MAGI1: variants seen among roughly 807,000 people sequenced by gnomAD.
MAGI1 encodes membrane associated guanylate kinase, WW and PDZ domain containing 1, also known as membrane-associated guanylate kinase, WW and PDZ domain-containing protein 1.
Under a neutral mutation model 139.9 loss-of-function variants are expected in MAGI1, and 58 were observed. The ratio of observed to expected loss-of-function variants is 0.41; its 90% CI spans 0.34 to 0.52. The LOEUF (loss-of-function observed/expected upper bound fraction) is 0.52, where lower values mean the gene tolerates loss of function less well. MAGI1 is among the 20% of genes least tolerant of loss of function. MAGI1 has a pLI of 0.12. For synonymous variants in MAGI1, 812 were observed against 737.9 expected (o/e 1.10, Z -1.63); for missense variants, 1,874 against 1,901.6 (o/e 0.99, Z 0.27).
chr3:65,459,875 C>T (rs996533415), intron 5 of MAGI1, among the ~76,000 whole-genome samples: 1 of 151,900 alleles, frequency 6.6e-6, no homozygotes, highest in East Asian at 1.9e-4. Context: ...CAGTGAGCTG[C>T]GTTAACACCA....
chr3:65,538,177 T>G (rs761253968), intron 2 of MAGI1, among the ~76,000 whole-genome samples: 2 of 152,178 alleles, frequency 1.3e-5, no homozygotes, highest in East Asian at 3.9e-4. Flanking sequence ...TAAACAGTTA[T>G]GTTTACAACA....
intron 1 of MAGI1, among the ~76,000 whole-genome samples, chr3:65,751,334 A>G (rs1376513850): frequency 1.3e-5 from 2 of 152,180 alleles, no homozygotes; most frequent in Non-Finnish European, 2.9e-5. Flanking sequence ...GAGCCTGAGA[A>G]ATGTTCCCGG....
intron 1 of MAGI1, among the ~76,000 whole-genome samples, chr3:65,632,127 G>C (rs1363189667): frequency 6.6e-6 from 1 of 151,786 alleles, no homozygotes; most frequent in Non-Finnish European, 1.5e-5. Context: ...AAATTTCCTA[G>C]AATTACTAGA....
At chr3:65,742,660 C>T (rs1499505) in intron 1 of MAGI1, among the ~76,000 whole-genome samples, 94,542 of 152,120 alleles carry the variant, frequency 0.62, 29,803 homozygotes, top group Non-Finnish European at 0.67. Flanking sequence ...TTATTCAAGA[C>T]GCCACCTACA....
chr3:65,548,451 C>T (rs907287517), intron 2 of MAGI1, among the ~76,000 whole-genome samples: 1 of 151,338 alleles, frequency 6.6e-6, no homozygotes, highest in Admixed American at 6.6e-5. Context: ...ACAAAAGGGC[C>T]TCCCTTTTCA....
intron 2 of MAGI1, among the ~76,000 whole-genome samples, chr3:65,548,162 C>A (rs933671853): frequency 6.6e-6 from 1 of 152,200 alleles, no homozygotes; most frequent in African/African-American, 2.4e-5. Flanking sequence ...TCATGGCAGA[C>A]AGGCCTGATT....
intron 2 of MAGI1, chr3:65,499,124 G>A (rs1455893190): frequency 5.0e-5 from 38 of 761,066 alleles, no homozygotes; most frequent in African/African-American, 5.7e-5. Flanking sequence ...TCCACGATTT[G>A]TTTTAAAAAT....
At chr3:65,922,956 A>T (rs565998681) in intron 1 of MAGI1, among the ~76,000 whole-genome samples, 1 of 152,170 alleles carries the variant, frequency 6.6e-6, no homozygotes, top group Non-Finnish European at 1.5e-5. Context: ...TTTTTTCTTG[A>T]TAACAGGAAC....
chr3:65,776,162 A>G (rs1029838018), intron 1 of MAGI1, among the ~76,000 whole-genome samples: 1 of 151,870 alleles, frequency 6.6e-6, no homozygotes, highest in African/African-American at 2.4e-5. Flanking sequence ...TCTTCTACAT[A>G]GGTGGTGCAG....
intron 1 of MAGI1, among the ~76,000 whole-genome samples, chr3:65,786,059 G>A (rs1471766656): frequency 6.6e-6 from 1 of 151,488 alleles, no homozygotes; most frequent in Admixed American, 6.6e-5. Context: ...GGATTCAAGT[G>A]ATTCTCCTGC....
chr3:65,361,263 A>C lies in MAGI1; in HGVS notation c.3570T>G (p.Ile1190Met), dbSNP rs754126405. 1 of 1,614,126 alleles carries C rather than the reference A, an allele frequency of 6.2e-7. No homozygotes were observed. Among genetic ancestry groups the C allele is most frequent in the Non-Finnish European group, 8.5e-7 (1 of 1,180,002 alleles). ...NMKHSRAIEL[I>M]KNGGRRVRLF... is the part of the protein sequence containing the mutation. The stretch of plus-strand genomic sequence containing the variant: ...GACGAACTCTGCGGCCACCATTCTT[A>C]ATCAGTTCTATAGCTCGAGAATGCT... Residue 1190 changes from isoleucine to methionine, a missense_variant, in exon 22 of 23, where the codon ATT (isoleucine) becomes ATG (methionine). This residue lies in a region of MAGI1 where 653 missense variants were observed against 644.5 expected (regional missense o/e 1.01). Transcript: ENST00000402939.
intron 5 of MAGI1, among the ~76,000 whole-genome samples, chr3:65,465,201 T>G (rs1419173307): frequency 6.6e-6 from 1 of 151,194 alleles, no homozygotes; most frequent in Non-Finnish European, 1.5e-5. Context: ...AAACCTAATT[T>G]GGAAAATTTA....
intron 3 of MAGI1, among the ~76,000 whole-genome samples, chr3:65,480,152 C>T (rs1264269151): frequency 8.6e-6 from 1 of 116,404 alleles, no homozygotes; most frequent in African/African-American, 3.3e-5. Context: ...CATTTTATTA[C>T]ACAAGCACCA....
At chr3:65,648,616 G>T (rs149968430) in intron 1 of MAGI1, among the ~76,000 whole-genome samples, 1 of 152,070 alleles carries the variant, frequency 6.6e-6, no homozygotes, top group Admixed American at 6.6e-5. Context: ...TCAAAGAGTC[G>T]ACACAGTAAA....
chr3:65,727,151 G>A (rs1036487861), intron 1 of MAGI1, among the ~76,000 whole-genome samples: 1 of 152,106 alleles, frequency 6.6e-6, no homozygotes, highest in African/African-American at 2.4e-5. Context: ...TTTCTTCACT[G>A]TAGGATTTAC....
chr3:65,999,923 A>G lies in MAGI1; in HGVS notation c.313+38073T>C, dbSNP rs190723605. 3.6e-3 allele frequency among the ~76,000 whole-genome samples: 541 copies of G among 150,122 alleles called. 9 individuals are homozygous for G. The highest frequency in any genetic ancestry group is 9.6e-4 in the Non-Finnish European group (65 of 67,874). On this transcript the variant is annotated intron_variant, in intron 1 of 22. Coordinates refer to ENST00000402939, the MANE Select transcript of MAGI1 (RefSeq NM_001033057.2). The stretch of plus-strand genomic sequence containing the variant: ...GACATTTTAGTTAAACTAGGTAACC[A>G]TATCTTGAGAAAATGTACTCTGGTT...
chr3:65,990,308 A>C (rs1433927639), intron 1 of MAGI1, among the ~76,000 whole-genome samples: 1 of 152,198 alleles, frequency 6.6e-6, no homozygotes, highest in Admixed American at 6.5e-5. Flanking sequence ...AAAATGGAAA[A>C]GTTAAAGATT....
At chr3:65,388,060 C>G (rs1257621183) in intron 14 of MAGI1, among the ~76,000 whole-genome samples, 1 of 152,166 alleles carries the variant, frequency 6.6e-6, no homozygotes, top group Non-Finnish European at 1.5e-5. Context: ...GTGCACAATT[C>G]TAGAGAAACC....
At chr3:65,388,426 G>T (rs112504268) in intron 14 of MAGI1, among the ~76,000 whole-genome samples, 34 of 152,126 alleles carry the variant, frequency 2.2e-4, no homozygotes, top group African/African-American at 7.9e-4. Flanking sequence ...ACTGTCTTGG[G>T]GGGAGGGGGC....
Sources: gnomAD v4.1 joint callset for allele counts (sites outside exome capture counted in the v4.1 genomes callset) on GRCh38, gnomAD v4.1.1 for gene constraint, gnomAD v4.1.1 regional missense constraint, MANE v1.5 for transcripts, NCBI Gene and HGNC (gene_info 2026-07-23, HGNC 2026-07-21) for gene names.